The following FAM135B variants were observed in gnomAD, a reference collection of about 807,000 sequenced individuals.
FAM135B encodes the protein protein FAM135B.
A neutral mutation model predicts 127.7 loss-of-function variants in FAM135B; 43 were observed. The observed-to-expected ratio is 0.34, with a 90% CI of 0.26 to 0.43. The LOEUF is 0.43. FAM135B is among the 20% of genes least tolerant of loss of function. The probability of loss-of-function intolerance (pLI) is 1.00; values close to 1 mark genes in which losing one functional copy is unlikely to be tolerated. For synonymous variants in FAM135B, 670 were observed against 665.1 expected (o/e 1.01, Z -0.11); for missense variants, 1,558 against 1,725.6 (o/e 0.90, Z 1.72).
intron 7 of FAM135B, among the ~76,000 whole-genome samples, chr8:138,204,130 T>C (rs1817374313): frequency 6.6e-6 from 1 of 152,236 alleles, no homozygotes; most frequent in African/African-American, 2.4e-5. Flanking sequence ...CCTGTCTGTG[T>C]CCCAGGTTTG....
intron 3 of FAM135B, among the ~76,000 whole-genome samples, chr8:138,275,855 T>C (rs1159940735): frequency 6.6e-6 from 1 of 152,102 alleles, no homozygotes; most frequent in Non-Finnish European, 1.5e-5. Flanking sequence ...AGCTGACGCT[T>C]TGTGCTGTAT....
intron 1 of FAM135B, among the ~76,000 whole-genome samples, chr8:138,447,821 A>AT (rs1491067869): frequency 1.1e-3 from 168 of 151,436 alleles, no homozygotes; most frequent in African/African-American, 3.6e-3. Flanking sequence ...AAAAAAAAAA[A>AT]GAAAAAATAA....
intron 13 of FAM135B, among the ~76,000 whole-genome samples, chr8:138,149,429 T>C (rs1817941360): frequency 6.6e-6 from 1 of 152,206 alleles, no homozygotes; most frequent in African/African-American, 2.4e-5. Flanking sequence ...AACACATTTC[T>C]TATAATTCTC....
intron 7 of FAM135B, among the ~76,000 whole-genome samples, chr8:138,217,631 C>T (rs779566840): frequency 6.6e-6 from 1 of 151,990 alleles, no homozygotes; most frequent in Admixed American, 6.6e-5. Flanking sequence ...CGGGGTTTCA[C>T]CATGTTAGCC....
chr8:138,373,031 G>A (rs563492847), intron 1 of FAM135B, among the ~76,000 whole-genome samples: 4 of 152,092 alleles, frequency 2.6e-5, no homozygotes, highest in East Asian at 1.9e-4. Context: ...CATTACCTTC[G>A]GGCAGGCAAT....
intron 11 of FAM135B, among the ~76,000 whole-genome samples, chr8:138,173,742 G>A (rs531455463): frequency 7.7e-4 from 118 of 152,316 alleles, no homozygotes; most frequent in Admixed American, 6.9e-3. Flanking sequence ...AATTAACACA[G>A]GAAATGCAAA....
At chr8:138,272,847 T>G (rs1482009689) in intron 3 of FAM135B, among the ~76,000 whole-genome samples, 1 of 152,234 alleles carries the variant, frequency 6.6e-6, no homozygotes, top group Non-Finnish European at 1.5e-5. Flanking sequence ...CTCATGCTTG[T>G]GTAGGCACAT....
At chr8:138,423,387 C>G (rs956767436) in intron 1 of FAM135B, among the ~76,000 whole-genome samples, 1 of 152,104 alleles carries the variant, frequency 6.6e-6, no homozygotes. Flanking sequence ...TCTATTTTCC[C>G]TAAGCATCAG....
intron 18 of FAM135B, 137 bp from the exon 19 acceptor site, chr8:138,137,397 C>G (rs758626388): frequency 3.1e-6 from 2 of 649,850 alleles, no homozygotes; most frequent in Non-Finnish European, 5.6e-6. Context: ...TGTCATCACA[C>G]AAGGACATTC....
At chr8:138,262,874 C>G (rs1395094726) in intron 4 of FAM135B, among the ~76,000 whole-genome samples, 2 of 138,054 alleles carry the variant, frequency 1.4e-5, no homozygotes, top group South Asian at 2.4e-4. Flanking sequence ...TGCACTCCAG[C>G]CTGAGCGACA....
At chr8:138,135,996 G>A (rs1816629688) in intron 19 of FAM135B, among the ~76,000 whole-genome samples, 1 of 151,898 alleles carries the variant, frequency 6.6e-6, no homozygotes, top group African/African-American at 2.4e-5. Context: ...GAGTTAGAAA[G>A]GATCATAAAT....
chr8:138,382,494 G>A (rs1263781172), intron 1 of FAM135B, among the ~76,000 whole-genome samples: 1 of 152,092 alleles, frequency 6.6e-6, no homozygotes, highest in Non-Finnish European at 1.5e-5. Context: ...GACATGGAGA[G>A]GCAGCTCAGT....
At chr8:138,286,581 G>C (rs1235575792) in intron 3 of FAM135B, among the ~76,000 whole-genome samples, 4 of 152,210 alleles carry the variant, frequency 2.6e-5, no homozygotes, top group Non-Finnish European at 4.4e-5. Context: ...CAGGCAACAA[G>C]AGGAAGGCTA....
rs377363588 is a variant in FAM135B, at chr8:138,497,104, A to T, written c.-453T>A. Among the ~76,000 whole-genome samples, 70 of 151,360 alleles carry T rather than the reference A, an allele frequency of 4.6e-4. No individual in the cohort carries two copies. The East Asian group carries it at 7.3e-3, about 16-fold the overall frequency. ...GGCTGGCGCCTCCCGGGCTGCGCTC[A>T]CCTCTGGCGCCCTCACTCCTCTCCT... is the stretch of plus-strand genomic sequence containing the variant. On this transcript the variant is annotated 5_prime_UTR_variant, in exon 1 of 20. Coordinates refer to ENST00000395297, the MANE Select transcript of FAM135B (RefSeq NM_015912.4).
intron 3 of FAM135B, among the ~76,000 whole-genome samples, chr8:138,272,130 T>G (rs2130682886): frequency 6.6e-6 from 1 of 152,294 alleles, no homozygotes; most frequent in Non-Finnish European, 1.5e-5. Flanking sequence ...TGAGGAATCT[T>G]ATTCAACATT....
At chr8:138,385,892 A>G (rs1257162732) in intron 1 of FAM135B, among the ~76,000 whole-genome samples, 2 of 151,978 alleles carry the variant, frequency 1.3e-5, no homozygotes, top group Non-Finnish European at 2.9e-5. Context: ...CAAATACGAT[A>G]CTGGGTACTC....
intron 9 of FAM135B, among the ~76,000 whole-genome samples, chr8:138,193,626 T>G (rs1816339766): frequency 6.6e-6 from 1 of 152,326 alleles, no homozygotes; most frequent in African/African-American, 2.4e-5. Context: ...GATGCTGAGC[T>G]GCACCTCCAC....
intron 16 of FAM135B, 163 bp downstream of exon 16, chr8:138,142,849 A>T: frequency 1.8e-6 from 1 of 562,650 alleles, no homozygotes; most frequent in Admixed American, 3.2e-5. Flanking sequence ...TGTGTACGCC[A>T]GACCTGGTAC....
intron 1 of FAM135B, among the ~76,000 whole-genome samples, chr8:138,458,278 T>C (rs1836915402): frequency 6.6e-6 from 1 of 152,220 alleles, no homozygotes; most frequent in African/African-American, 2.4e-5. Flanking sequence ...CTTCAAAGCC[T>C]TAAGAGTTAA....
Sources: gnomAD v4.1 joint callset for allele counts (sites outside exome capture counted in the v4.1 genomes callset) on GRCh38, gnomAD v4.1.1 for gene constraint, MANE v1.5 for transcripts, NCBI Gene and HGNC (gene_info 2026-07-23, HGNC 2026-07-21) for gene names.